The following VPS8 variants were observed in gnomAD, a reference collection of about 807,000 sequenced individuals.
VPS8 encodes VPS8 subunit of CORVET complex.
VPS8 carries 129 observed loss-of-function variants against 216.4 expected under a neutral mutation model. The observed-to-expected ratio is 0.60, with a 90% confidence interval of 0.52 to 0.69. The LOEUF is 0.69. Ranked by LOEUF, VPS8 falls within the 30% of genes least tolerant of loss-of-function variation. The probability of loss-of-function intolerance (pLI) is 0.00; values close to 1 mark genes in which losing one functional copy is unlikely to be tolerated. For synonymous variants in VPS8, 571 were observed against 565.4 expected (o/e 1.01, Z -0.14); for missense variants, 1,531 against 1,683.5 (o/e 0.91, Z 1.59).
intron 2 of VPS8, 60 bp from the exon 3 acceptor site, chr3:184,826,103 C>A: frequency 8.1e-7 from 1 of 1,233,706 alleles, no homozygotes; most frequent in Non-Finnish European, 1.1e-6. Flanking sequence ...AACTAAAACC[C>A]CTCACAATTA....
chr3:184,931,147 C>T (rs1212903874), intron 34 of VPS8, among the ~76,000 whole-genome samples: 1 of 152,172 alleles, frequency 6.6e-6, no homozygotes, highest in Non-Finnish European at 1.5e-5. Flanking sequence ...ACAATGTGTT[C>T]TGAAATGGGA....
Position 184,936,310 on chromosome 3 carries a change from T to C in VPS8, c.2963T>C (p.Ile988Thr). The change falls in exon 35 of 48, where the codon ATT becomes ACT. Residue 988 changes from isoleucine (I) to threonine (T), a missense_variant. Physicochemically the swap from Ile to Thr is moderately conservative, Grantham distance 89. Transcript: ENST00000625842. ...ELVATHFSGH[I>T]ETVIKKLQNQ... The stretch of plus-strand genomic sequence containing the variant: ...GTTGCCACCCACTTTTCTGGACATA[T>C]TGAAACGGTCATTAAAAAACTTCAG... 6.2e-7 allele frequency: 1 copy of C among 1,611,614 alleles called. No homozygotes were observed. The highest frequency in any genetic ancestry group is 8.5e-7 in the Non-Finnish European group (1 of 1,178,864).
chr3:184,829,227 T>G (rs1719463365), intron 3 of VPS8, among the ~76,000 whole-genome samples: 2 of 152,184 alleles, frequency 1.3e-5, no homozygotes, highest in Admixed American at 1.3e-4. Flanking sequence ...TTGTTCTTTT[T>G]TTTGAGACAA....
chr3:184,822,379 A>G (rs1717794014), intron 1 of VPS8, among the ~76,000 whole-genome samples: 1 of 152,202 alleles, frequency 6.6e-6, no homozygotes. Context: ...ACACTTCTTC[A>G]GTGTGATATT....
At chr3:185,005,629 A>T (rs1342865268) in intron 45 of VPS8, among the ~76,000 whole-genome samples, 1 of 147,668 alleles carries the variant, frequency 6.8e-6, no homozygotes, top group African/African-American at 2.5e-5. Flanking sequence ...TATTTATTTT[A>T]TTTATTTATT....
rs188174579 is a variant in VPS8 at position 185,011,008 on chromosome 3, A to G, written c.4002+11147A>G. Among the ~76,000 whole-genome samples, 5 of 152,268 alleles carry G rather than the reference A, an allele frequency of 3.3e-5. No individual in the cohort carries two copies. In the East Asian group the frequency reaches 5.8e-4, roughly 18 times the overall value. ...AGCGAGACCCTATCTCAAAAAAACA[A>G]AAAAGAAAAAGAAATGAATAGATCA... On this transcript the variant is annotated intron_variant, in intron 45 of 47. Coordinates refer to ENST00000625842, the MANE Select transcript of VPS8 (RefSeq NM_001009921.3).
In VPS8 at chr3:184,824,843, C is replaced by T; in HGVS notation, c.153+58C>T. On this transcript the variant is annotated intron_variant, in intron 2 of 47. Transcript: ENST00000625842. The stretch of plus-strand genomic sequence containing the variant: ...TTTAACCAGTGTAGATTAGAGTATG[C>T]TTTGTGACCCAGAGACTCTAAGTCT... The T allele has an allele frequency of 4.7e-6, 7 of 1,479,522 alleles. No individual in the cohort carries two copies. In the South Asian group the frequency reaches 8.7e-5, roughly 18 times the overall value. The allele number at this position is 1,479,522 out of a possible 1,614,324, so 91.6% of individuals were successfully genotyped here.
chr3:185,011,232 CAT>C (rs1754978457), intron 45 of VPS8, among the ~76,000 whole-genome samples: 1 of 151,742 alleles, frequency 6.6e-6, no homozygotes, highest in South Asian at 2.1e-4. Flanking sequence ...TATGAAAAAA[CAT>C]TGTTTAGAGA....
chr3:184,950,216 C>CTTTTTTTTTGTTTTTTTTTTTT (rs1744428051), intron 36 of VPS8, among the ~76,000 whole-genome samples: 1 of 39,930 alleles, frequency 2.5e-5, no homozygotes, highest in Non-Finnish European at 4.1e-5. Context: ...CAGTTTTCTG[C>CTTTTTTTTTGTTTTTTTTTTTT]TTTTTTTTTT....
At chr3:184,924,624 C>A in intron 29 of VPS8, among the ~76,000 whole-genome samples, 1 of 152,264 alleles carries the variant, frequency 6.6e-6, no homozygotes, top group Non-Finnish European at 1.5e-5. Flanking sequence ...TTTATCAATT[C>A]AGGTCTCATC....
At chr3:185,047,086 A>T (rs1421140307) in intron 46 of VPS8, among the ~76,000 whole-genome samples, 2 of 151,206 alleles carry the variant, frequency 1.3e-5, no homozygotes, top group African/African-American at 2.4e-5. Context: ...ACATCCCCCA[A>T]CCTCCTTCAT....
chr3:184,827,087 G>A (rs1476926820), intron 3 of VPS8, among the ~76,000 whole-genome samples: 1 of 152,188 alleles, frequency 6.6e-6, no homozygotes, highest in Non-Finnish European at 1.5e-5. Flanking sequence ...CAAATCCGCA[G>A]TTATGTTTTC....
At position 184,866,955 on chromosome 3, in the gene VPS8, G is replaced by A. The variant is rs759936678; in HGVS notation, c.1470+5G>A. The A allele has an allele frequency of 3.1e-6, 5 of 1,612,384 alleles. No homozygotes were observed. The highest frequency in any genetic ancestry group is 4.2e-6 in the Non-Finnish European group (5 of 1,179,370). ...ATCTTTTATTTGGGGACAAAAGTAA[G>A]CTCTTTTACTCTGTGAGTTGGTATT... On this transcript the variant is annotated splice_donor_5th_base_variant and intron_variant, in intron 17 of 47. Transcript: ENST00000625842.
At chr3:185,026,604 G>T (rs746450399) in intron 46 of VPS8, among the ~76,000 whole-genome samples, 58 of 150,798 alleles carry the variant, frequency 3.8e-4, no homozygotes, top group Admixed American at 8.6e-4. Context: ...TAGAGACAGG[G>T]TTTCACCATG....
intron 34 of VPS8, among the ~76,000 whole-genome samples, chr3:184,931,769 T>G (rs1740726867): frequency 6.6e-6 from 1 of 152,156 alleles, no homozygotes; most frequent in Non-Finnish European, 1.5e-5. Flanking sequence ...ATTCTCTGAT[T>G]TTGTGTTTTA....
Position 184,837,370 on chromosome 3 carries a change from G to A in VPS8, c.448-1344G>A, listed in dbSNP as rs1721293042. On this transcript the variant is annotated intron_variant, in intron 5 of 47. Coordinates refer to ENST00000625842, the MANE Select transcript of VPS8 (RefSeq NM_001009921.3). Reference sequence around the variant, plus strand: ...ATTGGTTTAAGTTGTTTTGCTTAAAGTCAGTTTCTAAGAACTTACTGACAA... The same window carrying A: ...ATTGGTTTAAGTTGTTTTGCTTAAAATCAGTTTCTAAGAACTTACTGACAA... Among the ~76,000 whole-genome samples the A allele has an allele frequency of 4.6e-5, 7 of 152,194 alleles. No individual in the cohort carries two copies. In the South Asian group the frequency reaches 1.4e-3, roughly 32 times the overall value.
At chr3:184,978,013 A>G (rs1577044296) in intron 40 of VPS8, among the ~76,000 whole-genome samples, 1 of 150,918 alleles carries the variant, frequency 6.6e-6, no homozygotes, top group Non-Finnish European at 1.5e-5. Flanking sequence ...AATTGGTGCC[A>G]GGTTTTTTTT....
rs552170056 is a variant in VPS8 at position 184,992,453 on chromosome 3, C to T, written c.3586-1530C>T. On this transcript the variant is annotated intron_variant, in intron 42 of 47. Transcript: ENST00000625842. ...ACCAGTATAGTGTGTTTATTAAAAG[C>T]GTGATTTCTGAAGTACCTAGATTCA... 3.3e-5 allele frequency among the ~76,000 whole-genome samples: 5 copies of T among 152,084 alleles called. No homozygotes were observed. The East Asian group carries it at 5.8e-4, about 18-fold the overall frequency.
At chr3:184,826,366 A>T (rs1318011417) in intron 3 of VPS8, 135 bp downstream of exon 3, 1 of 516,858 alleles carries the variant, frequency 1.9e-6, no homozygotes. Flanking sequence ...TCAGTTTAAA[A>T]TTTAAATTAA....
Sources: gnomAD v4.1 joint callset for allele counts (sites outside exome capture counted in the v4.1 genomes callset) on GRCh38, gnomAD v4.1.1 for gene constraint, MANE v1.5 for transcripts, NCBI Gene and HGNC (gene_info 2026-07-23, HGNC 2026-07-21) for gene names.